Variants in NBEAL2 observed in about 807,000 individuals in gnomAD.
NBEAL2 encodes neurobeachin-like protein 2.
A neutral mutation model predicts 299.8 loss-of-function variants in NBEAL2; 160 were observed. The observed-to-expected ratio is 0.53, with a 90% CI of 0.47 to 0.61. The LOEUF (loss-of-function observed/expected upper bound fraction) is 0.61, where lower values mean the gene tolerates loss of function less well. Among genes scored for constraint, NBEAL2 ranks in the 20% least tolerant of loss-of-function variants. The pLI, the probability that NBEAL2 is intolerant of heterozygous loss-of-function variation, is 0.00. For synonymous variants in NBEAL2, 1,493 were observed against 1,542.3 expected, an observed-to-expected ratio of 0.97 and a Z score of 0.75; for missense variants, 3,112 against 3,649.0, an observed-to-expected ratio of 0.85 and a Z score of 3.79.
Position 47,001,775 on chromosome 3 carries a change from G to A in NBEAL2, c.4731G>A (p.Ala1577=), listed in dbSNP as rs142878502. The part of the protein sequence containing the change: ...ANGTADLREM[A]QIGLRLVLGY... ...GCACAGCTGATCTCCGTGAGATGGC[G>A]CAGATTGGCCTACGGCTTGTACTTG... The change falls in exon 30 of 54, where the codon GCG becomes GCA. Residue 1577 remains alanine, a synonymous_variant. Transcript: ENST00000450053. The surrounding 1 kb of genome is among the most constrained non-coding windows in gnomAD (Gnocchi z 6.1). 67 of 1,613,930 alleles carry A rather than the reference G, an allele frequency of 4.2e-5. No homozygotes were observed. In the African/African-American group the frequency reaches 6.8e-4, roughly 16 times the overall value.
chr3:46,995,581 A>G lies in NBEAL2; in HGVS notation c.1846A>G (p.Thr616Ala), dbSNP rs748669218. The change falls in exon 13 of 54, where the codon ACA (threonine) becomes GCA (alanine). Residue 616 changes from threonine to alanine, a missense_variant. Physicochemically the swap from Thr to Ala is moderately conservative, Grantham distance 58. Coordinates refer to ENST00000450053, the MANE Select transcript of NBEAL2 (RefSeq NM_015175.3). ...HAWLCLHPMD[T>A]APTPAPTRPL... ...CTGGCTCTGTCTGCACCCTATGGATACAGCACCTACCCCTGCCCCCACCCG... is the reference window on the plus strand; with the variant it reads ...CTGGCTCTGTCTGCACCCTATGGATGCAGCACCTACCCCTGCCCCCACCCG... 3 of 1,612,566 alleles carry G rather than the reference A, an allele frequency of 1.9e-6. No individual in the cohort carries two copies. In the African/African-American group the frequency reaches 4.0e-5, roughly 22 times the overall value.
In NBEAL2 at chr3:47,003,856, G is replaced by A; in HGVS notation, c.5761G>A (p.Val1921Met). Reference protein sequence around the residue: ...AELDEQREKLVLSAECQLVTV... With the variant: ...AELDEQREKLMLSAECQLVTV... ...ACTGGATGAGCAGCGTGAGAAGCTG[G>A]TGCTGTCGGCCGAGTGCCAGCTGGT... Residue 1921 changes from valine to methionine, a missense_variant, in exon 36 of 54, where the codon GTG becomes ATG. Coordinates refer to ENST00000450053, the MANE Select transcript of NBEAL2 (RefSeq NM_015175.3). The surrounding 1 kb of genome is among the most constrained non-coding windows in gnomAD (Gnocchi z 7.0). The A allele has an allele frequency of 6.2e-7, 1 of 1,612,832 alleles. No individual in the cohort carries two copies. Among genetic ancestry groups the A allele is most frequent in the Non-Finnish European group, 8.5e-7 (1 of 1,179,306 alleles).
intron 1 of NBEAL2, among the ~76,000 whole-genome samples, chr3:46,984,261 G>A (rs989368574): frequency 9.2e-5 from 14 of 152,198 alleles, no homozygotes; most frequent in South Asian, 6.2e-4. Context: ...AGTTGAGATC[G>A]CGCCACTGCA....
In NBEAL2 at chr3:47,000,968, A is replaced by G. The variant is rs1362779488; in HGVS notation, c.4306-33A>G. The G allele has an allele frequency of 2.6e-6, 4 of 1,563,660 alleles. No individual in the cohort carries two copies. In the South Asian group the frequency reaches 3.5e-5, roughly 14 times the overall value. ...TGATTCCCTCCCTTAGCCGCCCACA[A>G]CCCACGCCCACACCACCCACCTGTG... is the stretch of plus-strand genomic sequence containing the variant. On this transcript the variant is annotated intron_variant, in intron 27 of 53. Transcript: ENST00000450053. This position sits in a 1 kb window ranked among gnomAD's most constrained non-coding sequence, Gnocchi z 4.5.
chr3:46,997,628 C>T lies in NBEAL2; in HGVS notation c.2892C>T (p.His964=). Residue 964 remains histidine, a synonymous_variant, in exon 20 of 54, where the codon CAC becomes CAT. Coordinates refer to ENST00000450053, the MANE Select transcript of NBEAL2 (RefSeq NM_015175.3). ...LLMLRNFLQG[H]MVNQESLVQC... ...TGCTGCGGAACTTCCTTCAGGGTCA[C>T]ATGGTGAACCAAGAGAGCCTGGTGC... is the stretch of plus-strand genomic sequence containing the variant. 1 of 1,595,968 alleles carries T rather than the reference C, an allele frequency of 6.3e-7. No homozygotes were observed. Among genetic ancestry groups the T allele is most frequent in the Non-Finnish European group, 8.6e-7 (1 of 1,167,048 alleles).
Position 47,002,253 on chromosome 3 carries a change from G to A in NBEAL2, c.5116G>A (p.Ala1706Thr). 6.4e-7 allele frequency: 1 copy of A among 1,553,752 alleles called. No homozygotes were observed. The highest frequency in any genetic ancestry group is 8.7e-7 in the Non-Finnish European group (1 of 1,148,430). The change falls in exon 31 of 54, where the codon GCC becomes ACC. Residue 1706 changes from alanine to threonine, a missense_variant. Physicochemically the swap from Ala to Thr is moderately conservative, Grantham distance 58 (BLOSUM62 0). This residue lies in a region of NBEAL2 where 2,243 missense variants were observed against 2,538.1 expected (regional missense o/e 0.88). Coordinates refer to ENST00000450053, the MANE Select transcript of NBEAL2 (RefSeq NM_015175.3). ...CTTTGAAGACTTCCAGGCTTTTTGT[G>A]CCACACCCGAATGGCGCCACTTCAT... ...TFFEDFQAFC[A>T]TPEWRHFIDK...
At position 47,007,701 on chromosome 3, in the gene NBEAL2, T is replaced by A; in HGVS notation, c.7507+4T>A. 1 of 1,609,260 alleles carries A rather than the reference T, an allele frequency of 6.2e-7. No homozygotes were observed. The highest frequency in any genetic ancestry group is 2.2e-5 in the East Asian group (1 of 44,740). Reference sequence around the variant, plus strand: ...AGCCAGCTCAGCTGCCACCTTGGTATGAACAGCCTTGGAGCTGGGGAGAAT... The same window carrying A: ...AGCCAGCTCAGCTGCCACCTTGGTAAGAACAGCCTTGGAGCTGGGGAGAAT... On this transcript the variant is annotated splice_donor_region_variant and intron_variant, in intron 48 of 53. Transcript: ENST00000450053.
chr3:46,994,157 C>G, intron 11 of NBEAL2, 137 bp downstream of exon 11: 1 of 894,840 alleles, frequency 1.1e-6, no homozygotes, highest in Non-Finnish European at 1.7e-6. Flanking sequence ...GGTGACTGCC[C>G]TGCCCTAAAG....
chr3:46,989,421 G>C lies in NBEAL2; in HGVS notation c.473+40G>C. The C allele has an allele frequency of 1.5e-5, 23 of 1,566,824 alleles. No homozygotes were observed. Among genetic ancestry groups the C allele is most frequent in the Non-Finnish European group, 1.9e-5 (22 of 1,155,828 alleles). On this transcript the variant is annotated intron_variant, in intron 5 of 53. Transcript: ENST00000450053. The surrounding 1 kb of genome is among the most constrained non-coding windows in gnomAD (Gnocchi z 5.5). ...ACAGGAAGGGAACCCAGAGGAGGGTGGGGAGAGGATGGCCGCGCTGGGCCC... is the reference window on the plus strand; with the variant it reads ...ACAGGAAGGGAACCCAGAGGAGGGTCGGGAGAGGATGGCCGCGCTGGGCCC...
chr3:47,009,149 G>A (rs1454378066), intron 53 of NBEAL2, 25 bp downstream of exon 53: 1 of 1,550,092 alleles, frequency 6.5e-7, no homozygotes, highest in Non-Finnish European at 8.7e-7. Flanking sequence ...GGGGTGGGGA[G>A]GCCCCTCGAA....
chr3:46,983,598 G>A (rs541417342), intron 1 of NBEAL2, among the ~76,000 whole-genome samples: 4 of 152,206 alleles, frequency 2.6e-5, no homozygotes, highest in Admixed American at 6.5e-5. Context: ...GTGAGCCACC[G>A]CACCTGGCTT....
chr3:47,004,472 A>G lies in NBEAL2; in HGVS notation c.6199-23A>G, dbSNP rs769236230. ...GTGCTGGACAGCCCACCTGGCTCAC[A>G]TCTTGTCTGCCCCTGTCCCCAGAAA... On this transcript the variant is annotated intron_variant, in intron 37 of 53. Coordinates refer to ENST00000450053, the MANE Select transcript of NBEAL2 (RefSeq NM_015175.3). The surrounding 1 kb of genome is among the most constrained non-coding windows in gnomAD (Gnocchi z 5.0). 6.2e-7 allele frequency: 1 copy of G among 1,611,218 alleles called. No individual in the cohort carries two copies. The highest frequency in any genetic ancestry group is 8.5e-7 in the Non-Finnish European group (1 of 1,177,918).
At position 47,009,565 on chromosome 3, in the gene NBEAL2, T is replaced by G; in HGVS notation, c.*245T>G. 1 of 548,190 alleles carries G rather than the reference T, an allele frequency of 1.8e-6. No homozygotes were observed. The allele number at this position is 548,190 out of a possible 1,614,324, so 34.0% of individuals were successfully genotyped here. On this transcript the variant is annotated 3_prime_UTR_variant, in exon 54 of 54. Coordinates refer to ENST00000450053, the MANE Select transcript of NBEAL2 (RefSeq NM_015175.3). Reference sequence around the variant, plus strand: ...CTGGCGTCTGCGGCCGCAGCAGCACTTTTTGCACAGTCTGGGGCGGGGTTC... The same window carrying G: ...CTGGCGTCTGCGGCCGCAGCAGCACGTTTTGCACAGTCTGGGGCGGGGTTC...
In NBEAL2 at chr3:47,001,712, A is replaced by G. The variant is rs1415067917; in HGVS notation, c.4668A>G (p.Leu1556=). Residue 1556 remains leucine, a synonymous_variant, in exon 30 of 54, where the codon CTA becomes CTG. Transcript: ENST00000450053. This position sits in a 1 kb window ranked among gnomAD's most constrained non-coding sequence, Gnocchi z 6.1. ...SEKLFEGVCS[L]LDRLGAWPHL... is the part of the protein sequence containing the mutation. ...AGCTCTTTGAAGGTGTATGCAGCCT[A>G]CTTGATCGCCTGGGAGCCTGGCCCC... 3.1e-6 allele frequency: 5 copies of G among 1,613,680 alleles called. No individual in the cohort carries two copies. In the African/African-American group the frequency reaches 5.3e-5, roughly 17 times the overall value.
In NBEAL2 at chr3:46,996,436, G is replaced by C; in HGVS notation, c.2317G>C (p.Val773Leu). The change falls in exon 16 of 54, where the codon GTG becomes CTG. Residue 773 changes from valine (V) to leucine (L), a missense_variant. Val to Leu is a conservative substitution (Grantham distance 32, BLOSUM62 1). Coordinates refer to ENST00000450053, the MANE Select transcript of NBEAL2 (RefSeq NM_015175.3). ...STGLGWGSGL[V>L]APLQEGSIDS... The stretch of plus-strand genomic sequence containing the variant: ...AGGGCTTGGCTGGGGGTCCGGGCTG[G>C]TGGCCCCCCTGCAGGAGGGCAGCAT... The C allele has an allele frequency of 6.2e-7, 1 of 1,609,052 alleles. No individual in the cohort carries two copies. Among genetic ancestry groups the C allele is most frequent in the Non-Finnish European group, 8.5e-7 (1 of 1,177,980 alleles).
rs1428693609 is a variant in NBEAL2 at position 46,991,388 on chromosome 3, C to G, written c.643-18C>G. ...GGTGAGCCCCTTGCCCACTGCCCAT[C>G]TCTGTCCACACCTGCAGGAGAACGG... is the stretch of plus-strand genomic sequence containing the variant. On this transcript the variant is annotated intron_variant, in intron 7 of 53. Coordinates refer to ENST00000450053, the MANE Select transcript of NBEAL2 (RefSeq NM_015175.3). This position sits in a 1 kb window ranked among gnomAD's most constrained non-coding sequence, Gnocchi z 6.2. 6.3e-7 allele frequency: 1 copy of G among 1,594,064 alleles called. No homozygotes were observed. Among genetic ancestry groups the G allele is most frequent in the Non-Finnish European group, 8.6e-7 (1 of 1,169,482 alleles).
rs769255839 is a variant in NBEAL2, at chr3:47,000,006, C to T, written c.3907C>T (p.Pro1303Ser). The T allele has an allele frequency of 6.2e-7, 1 of 1,612,550 alleles. No individual in the cohort carries two copies. Among genetic ancestry groups the T allele is most frequent in the Admixed American group, 1.7e-5 (1 of 60,008 alleles). ...VLEAATAGSP[P>S]PSSPESPTSP... ...GGAGGCTGCCACAGCCGGCAGCCCC[C>T]CTCCGTCTTCCCCAGAGTCACCTAC... Residue 1303 changes from proline (P) to serine (S), a missense_variant, in exon 27 of 54, where the codon CCT becomes TCT. Coordinates refer to ENST00000450053, the MANE Select transcript of NBEAL2 (RefSeq NM_015175.3). The surrounding 1 kb of genome is among the most constrained non-coding windows in gnomAD (Gnocchi z 4.5).
Position 47,004,271 on chromosome 3 carries a change from C to T in NBEAL2, c.6076C>T (p.Pro2026Ser), listed in dbSNP as rs1280571619. The T allele has an allele frequency of 1.7e-5, 28 of 1,613,506 alleles. No homozygotes were observed. The highest frequency in any genetic ancestry group is 2.2e-5 in the Non-Finnish European group (26 of 1,179,764). ...QTPRPQPGPI[P>S]PHTQVRNQVY... ...TCCCAGACCCCAGCCTGGCCCCATC[C>T]CACCCCATACCCAGGTACGGAACCA... The change falls in exon 37 of 54, where the codon CCA becomes TCA. Residue 2026 changes from proline (P) to serine (S), a missense_variant. By Grantham distance (74) the Pro-to-Ser change is moderately conservative. Around this residue, in one of 3 missense-constraint regions of NBEAL2, gnomAD observed 521 missense variants for 729.6 expected, o/e 0.71. Coordinates refer to ENST00000450053, the MANE Select transcript of NBEAL2 (RefSeq NM_015175.3). This position sits in a 1 kb window ranked among gnomAD's most constrained non-coding sequence, Gnocchi z 5.0.
Position 46,991,904 on chromosome 3 carries a change from C to T in NBEAL2, c.990C>T (p.Asn330=), listed in dbSNP as rs765614350. ...RPVLQATFLS[N]NCFEHLTRLI... is the part of the protein sequence containing the mutation. The stretch of plus-strand genomic sequence containing the variant: ...TGCTGCAAGCCACCTTCCTCAGCAA[C>T]AATTGCTTTGAACACCTCACTCGGC... Residue 330 remains asparagine, a synonymous_variant, in exon 9 of 54, where the codon AAC becomes AAT. Coordinates refer to ENST00000450053, the MANE Select transcript of NBEAL2 (RefSeq NM_015175.3). The surrounding 1 kb of genome is among the most constrained non-coding windows in gnomAD (Gnocchi z 6.2). 2 of 1,604,236 alleles carry T rather than the reference C, an allele frequency of 1.2e-6. No individual in the cohort carries two copies. The highest frequency in any genetic ancestry group is 1.7e-6 in the Non-Finnish European group (2 of 1,175,540).
Sources: gnomAD v4.1 joint callset for allele counts (sites outside exome capture counted in the v4.1 genomes callset) on GRCh38, gnomAD v4.1.1 for gene constraint, gnomAD v4.1.1 regional missense constraint, Gnocchi (gnomAD v3.1) non-coding constraint, MANE v1.5 for transcripts, NCBI Gene and HGNC (gene_info 2026-07-23, HGNC 2026-07-21) for gene names.